CENPP: variants seen among roughly 807,000 people sequenced by gnomAD.
The protein encoded by CENPP is centromere protein P.
A neutral mutation model predicts 35.6 loss-of-function variants in CENPP; 24 were observed. The ratio of observed to expected loss-of-function variants is 0.67; its 90% CI spans 0.49 to 0.95. The LOEUF is 0.95. CENPP is among the 40% of genes least tolerant of loss of function. The pLI, the probability that CENPP is intolerant of heterozygous loss-of-function variation, is 0.00. For synonymous variants in CENPP, 120 were observed against 125.5 expected, an observed-to-expected ratio of 0.96 and a Z score of 0.29; for missense variants, 332 against 345.3, an observed-to-expected ratio of 0.96 and a Z score of 0.31.
chr9:92,492,927 G>A (rs765007300), intron 5 of CENPP, among the ~76,000 whole-genome samples: 6 of 152,148 alleles, frequency 3.9e-5, no homozygotes, highest in South Asian at 2.1e-4. Flanking sequence ...GAAGCTTGTC[G>A]ACTAGCCATT....
At chr9:92,517,556 C>T in intron 5 of CENPP, 1 of 1,213,894 alleles carries the variant, frequency 8.2e-7, no homozygotes, top group Non-Finnish European at 1.2e-6. Flanking sequence ...TGTTAATCAG[C>T]ATTTTGCCAA....
chr9:92,517,924 T>C (rs773281576), intron 5 of CENPP: 5 of 1,603,260 alleles, frequency 3.1e-6, no homozygotes, highest in African/African-American at 2.7e-5. Context: ...TGATTATCAG[T>C]AACTGTGAAT....
chr9:92,342,968 G>T (rs1438780350), intron 3 of CENPP, among the ~76,000 whole-genome samples: 4 of 152,102 alleles, frequency 2.6e-5, no homozygotes. Flanking sequence ...CATTTTTACT[G>T]TGAAGACTGA....
At chr9:92,394,244 TTTAC>T (rs1466241180) in intron 5 of CENPP, among the ~76,000 whole-genome samples, 1 of 152,058 alleles carries the variant, frequency 6.6e-6, no homozygotes, top group Non-Finnish European at 1.5e-5. Flanking sequence ...TATTATTTTA[TTTAC>T]TTACTTATTT....
chr9:92,493,423 T>A (rs1367187363), intron 5 of CENPP: 1 of 152,176 alleles, frequency 6.6e-6, no homozygotes, highest in African/African-American at 2.4e-5. Context: ...TTATACCAGG[T>A]TCTGTATGTC....
intron 5 of CENPP, among the ~76,000 whole-genome samples, chr9:92,488,057 C>T (rs764905069): frequency 4.2e-4 from 64 of 152,150 alleles, no homozygotes; most frequent in Non-Finnish European, 8.2e-4. Flanking sequence ...TAGCTTAGGC[C>T]GAGCTATGAC....
At chr9:92,606,143 TC>T (rs1309282199) in intron 5 of CENPP, among the ~76,000 whole-genome samples, 1 of 152,068 alleles carries the variant, frequency 6.6e-6, no homozygotes, top group Non-Finnish European at 1.5e-5. Flanking sequence ...GTGCCTGTAG[TC>T]CCAGCTACTT....
chr9:92,537,752 A>G (rs1849221420), intron 5 of CENPP, among the ~76,000 whole-genome samples: 1 of 152,254 alleles, frequency 6.6e-6, no homozygotes, highest in African/African-American at 2.4e-5. Context: ...TCAGTGGTCA[A>G]TAAAACAGAA....
At chr9:92,505,559 G>A in intron 5 of CENPP, 1 of 1,604,692 alleles carries the variant, frequency 6.2e-7, no homozygotes, top group Non-Finnish European at 8.5e-7. Flanking sequence ...AGACCCTGCG[G>A]TATAATTCTA....
At chr9:92,372,988 T>C (rs1011993622) in intron 4 of CENPP, among the ~76,000 whole-genome samples, 1 of 152,196 alleles carries the variant, frequency 6.6e-6, no homozygotes, top group Non-Finnish European at 1.5e-5. Flanking sequence ...TCTAAATCTC[T>C]TGATAGACTT....
intron 5 of CENPP, among the ~76,000 whole-genome samples, chr9:92,576,623 G>A (rs1850288685): frequency 6.6e-6 from 1 of 151,842 alleles, no homozygotes; most frequent in African/African-American, 2.4e-5. Flanking sequence ...TCAATAAATA[G>A]GCATACAATG....
At chr9:92,380,427 G>A (rs1842217157) in intron 5 of CENPP, among the ~76,000 whole-genome samples, 1 of 152,084 alleles carries the variant, frequency 6.6e-6, no homozygotes, top group African/African-American at 2.4e-5. Flanking sequence ...TCAAATTATT[G>A]ACAGCATTAA....
intron 5 of CENPP, among the ~76,000 whole-genome samples, chr9:92,458,679 A>G (rs1453710670): frequency 6.6e-6 from 1 of 152,206 alleles, no homozygotes; most frequent in African/African-American, 2.4e-5. Flanking sequence ...GAGAGACCAG[A>G]AGCTGGAAGC....
chr9:92,532,015 G>GTTTTGTTTTTTT (rs1848797660), intron 5 of CENPP, among the ~76,000 whole-genome samples: 1 of 95,736 alleles, frequency 1.0e-5, no homozygotes, highest in African/African-American at 5.9e-5. Context: ...TTTATTTAAT[G>GTTTTGTTTTTTT]TTTTTTTTTT....
intron 5 of CENPP, among the ~76,000 whole-genome samples, chr9:92,400,766 C>T (rs1380437816): frequency 4.6e-5 from 7 of 152,012 alleles, no homozygotes; most frequent in Non-Finnish European, 8.8e-5. Context: ...TTATATTTAC[C>T]GTATACTGAG....
At chr9:92,495,937 A>G in intron 5 of CENPP, 1 of 986,244 alleles carries the variant, frequency 1.0e-6, no homozygotes, top group South Asian at 4.7e-5. Flanking sequence ...TTAATCTTGA[A>G]CCAAAAGATA....
At chr9:92,474,910 T>A in intron 5 of CENPP, 1 of 1,603,950 alleles carries the variant, frequency 6.2e-7, no homozygotes. Context: ...TGTCTTAGTG[T>A]AGAAGACCAG....
At chr9:92,359,312 G>T (rs570374006) in intron 4 of CENPP, among the ~76,000 whole-genome samples, 59 of 152,160 alleles carry the variant, frequency 3.9e-4, no homozygotes, top group African/African-American at 1.4e-3. Flanking sequence ...GGGCTCATTT[G>T]AACCTAATAA....
chr9:92,517,662 A>C, intron 5 of CENPP: 1 of 1,613,588 alleles, frequency 6.2e-7, no homozygotes, highest in Non-Finnish European at 8.5e-7. Flanking sequence ...ACACACTGAT[A>C]TTTTGCTTAG....
Sources: gnomAD v4.1 joint callset for allele counts (sites outside exome capture counted in the v4.1 genomes callset) on GRCh38, gnomAD v4.1.1 for gene constraint, MANE v1.5 for transcripts, NCBI Gene and HGNC (gene_info 2026-07-23, HGNC 2026-07-21) for gene names.